GRM1: variants seen among roughly 807,000 people sequenced by gnomAD.
GRM1 encodes metabotropic glutamate receptor 1.
Under a neutral mutation model 90.9 loss-of-function variants are expected in GRM1, and 33 were observed. That is an observed-to-expected ratio of 0.36 (90% CI 0.28 to 0.49). The LOEUF (loss-of-function observed/expected upper bound fraction) is 0.49, where lower values mean the gene tolerates loss of function less well. Among genes scored for constraint, GRM1 ranks in the 20% least tolerant of loss-of-function variants. GRM1 has a pLI of 0.99. For missense variants in GRM1, 1,190 were observed against 1,534.3 expected (o/e 0.78, Z 3.75); for synonymous variants, 700 against 613.2 (o/e 1.14, Z -2.09).
At chr6:146,291,047 G>T (rs1347377391) in intron 2 of GRM1, among the ~76,000 whole-genome samples, 1 of 152,060 alleles carries the variant, frequency 6.6e-6, no homozygotes, top group Non-Finnish European at 1.5e-5. Context: ...AAACAAGGGG[G>T]AACTAATATT....
In GRM1 at chr6:146,159,474, A is replaced by G. The variant is rs192397712; in HGVS notation, c.827A>G (p.Lys276Arg). 4.3e-6 allele frequency: 7 copies of G among 1,614,204 alleles called. No individual in the cohort carries two copies. Among genetic ancestry groups the G allele is most frequent in the Non-Finnish European group, 5.9e-6 (7 of 1,180,018 alleles). ...AAGAGCTTTGACCGACTCTTGCGCA[A>G]ACTCCGAGAGAGGCTTCCCAAGGCT... ...GEKSFDRLLRKLRERLPKARV... is the reference protein window; with the variant it reads ...GEKSFDRLLRRLRERLPKARV... Residue 276 changes from lysine to arginine, a missense_variant, in exon 2 of 8, where the codon AAA becomes AGA. Physicochemically the swap from Lys to Arg is conservative, Grantham distance 26. Coordinates refer to ENST00000282753, the MANE Select transcript of GRM1 (RefSeq NM_001278064.2).
chr6:146,179,621 C>T (rs992572650), intron 2 of GRM1, among the ~76,000 whole-genome samples: 4 of 152,200 alleles, frequency 2.6e-5, no homozygotes, highest in African/African-American at 9.7e-5. Flanking sequence ...TCACGCCATT[C>T]TCCTGCCTCA....
intron 3 of GRM1, among the ~76,000 whole-genome samples, chr6:146,341,079 C>A (rs1236375772): frequency 6.6e-6 from 1 of 152,148 alleles, no homozygotes; most frequent in African/African-American, 2.4e-5. Flanking sequence ...GTACCCAGAA[C>A]CAGGACTGCC....
At chr6:146,200,162 T>C (rs1436178241) in intron 2 of GRM1, among the ~76,000 whole-genome samples, 1 of 152,178 alleles carries the variant, frequency 6.6e-6, no homozygotes, top group Non-Finnish European at 1.5e-5. Flanking sequence ...GGCTGAGCAT[T>C]AAAACATTTC....
At chr6:146,265,413 T>A (rs1781843128) in intron 2 of GRM1, among the ~76,000 whole-genome samples, 5 of 152,234 alleles carry the variant, frequency 3.3e-5, no homozygotes, top group Admixed American at 2.6e-4. Context: ...GAGTTCCTTG[T>A]AGATTCTGAA....
At chr6:146,143,459 G>C (rs1776971379) in intron 1 of GRM1, among the ~76,000 whole-genome samples, 1 of 152,166 alleles carries the variant, frequency 6.6e-6, no homozygotes, top group South Asian at 2.1e-4. Flanking sequence ...CAATGATGCT[G>C]GGCAGTATGT....
At chr6:146,411,986 A>AAATAAAT (rs1777586929) in intron 7 of GRM1, among the ~76,000 whole-genome samples, 2 of 152,162 alleles carry the variant, frequency 1.3e-5, no homozygotes, top group Non-Finnish European at 2.9e-5. Context: ...TTGGTGACCA[A>AAATAAAT]TGGGTTCATT....
chr6:146,349,198 C>T (rs1785294364), intron 3 of GRM1, among the ~76,000 whole-genome samples: 1 of 150,458 alleles, frequency 6.6e-6, no homozygotes, highest in African/African-American at 2.4e-5. Flanking sequence ...TCCAGAGTAG[C>T]TGGGACTACA....
intron 1 of GRM1, among the ~76,000 whole-genome samples, chr6:146,075,582 G>T (rs1015363262): frequency 6.6e-6 from 1 of 152,148 alleles, no homozygotes; most frequent in African/African-American, 2.4e-5. Context: ...GAAAGTGAGT[G>T]TATTAGTTTC....
At chr6:146,300,763 C>A (rs866879837) in intron 2 of GRM1, among the ~76,000 whole-genome samples, 31 of 152,124 alleles carry the variant, frequency 2.0e-4, no homozygotes, top group Admixed American at 1.0e-3. Context: ...AGACACTTGG[C>A]GAGTGACCAG....
At chr6:146,290,891 G>A (rs186389422) in intron 2 of GRM1, among the ~76,000 whole-genome samples, 6 of 152,200 alleles carry the variant, frequency 3.9e-5, no homozygotes, top group Admixed American at 2.6e-4. Context: ...GACTTTTGGG[G>A]ATGTTGGGAT....
intron 1 of GRM1, among the ~76,000 whole-genome samples, chr6:146,132,869 G>A (rs1270345676): frequency 6.6e-6 from 1 of 152,106 alleles, no homozygotes; most frequent in Non-Finnish European, 1.5e-5. Context: ...CTAGTGCATG[G>A]GATTTCTTCC....
At chr6:146,249,800 C>T (rs534272594) in intron 2 of GRM1, among the ~76,000 whole-genome samples, 21 of 152,204 alleles carry the variant, frequency 1.4e-4, no homozygotes, top group Non-Finnish European at 2.5e-4. Context: ...CTGGAAAAGC[C>T]GGAAGCACTC....
chr6:146,162,817 A>G (rs1777780825), intron 2 of GRM1, among the ~76,000 whole-genome samples: 1 of 131,216 alleles, frequency 7.6e-6, no homozygotes, highest in Non-Finnish European at 1.5e-5. Context: ...TGGTAATGAA[A>G]AAACAAAACA....
At chr6:146,285,545 C>A (rs1412668133) in intron 2 of GRM1, among the ~76,000 whole-genome samples, 1 of 152,184 alleles carries the variant, frequency 6.6e-6, no homozygotes, top group East Asian at 1.9e-4. Context: ...CTCTTCCTTT[C>A]TTCTCAACCT....
chr6:146,160,925 C>T (rs904074768), intron 2 of GRM1, among the ~76,000 whole-genome samples: 1 of 152,080 alleles, frequency 6.6e-6, no homozygotes, highest in South Asian at 2.1e-4. Flanking sequence ...GTCAACTTGG[C>T]GTCTTCAACA....
chr6:146,082,340 G>A (rs2128863768), intron 1 of GRM1, among the ~76,000 whole-genome samples: 1 of 152,204 alleles, frequency 6.6e-6, no homozygotes, highest in South Asian at 2.1e-4. Context: ...ATTTTTAGTA[G>A]AGACAGGGTT....
intron 2 of GRM1, among the ~76,000 whole-genome samples, chr6:146,300,119 GGAA>G (rs1783320116): frequency 2.6e-5 from 4 of 151,892 alleles, no homozygotes; most frequent in Admixed American, 1.3e-4. Flanking sequence ...TGTAATCTCT[GGAA>G]TATTTTAAAG....
intron 3 of GRM1, among the ~76,000 whole-genome samples, chr6:146,309,370 G>A (rs1024901238): frequency 6.6e-6 from 1 of 151,492 alleles, no homozygotes; most frequent in Admixed American, 6.6e-5. Flanking sequence ...CTGCACTCTA[G>A]CCTGAGTGAC....
Sources: gnomAD v4.1 joint callset for allele counts (sites outside exome capture counted in the v4.1 genomes callset) on GRCh38, gnomAD v4.1.1 for gene constraint, MANE v1.5 for transcripts, NCBI Gene and HGNC (gene_info 2026-07-23, HGNC 2026-07-21) for gene names.